Variants in EYA2 observed in about 807,000 individuals in gnomAD.
EYA2 encodes the protein protein phosphatase EYA2.
Under a neutral mutation model 69.2 loss-of-function variants are expected in EYA2, and 31 were observed. The observed-to-expected ratio is 0.45, with a 90% CI of 0.34 to 0.60. The LOEUF (loss-of-function observed/expected upper bound fraction) is 0.60. Ranked by LOEUF, EYA2 falls within the 20% of genes least tolerant of loss-of-function variation. The pLI is 0.02. For synonymous variants in EYA2, 257 were observed against 279.4 expected, an observed-to-expected ratio of 0.92 and a Z score of 0.80; for missense variants, 622 against 701.2, an observed-to-expected ratio of 0.89 and a Z score of 1.28.
At chr20:47,152,384 C>T (rs2033839780) in intron 10 of EYA2, among the ~76,000 whole-genome samples, 1 of 142,092 alleles carries the variant, frequency 7.0e-6, no homozygotes, top group Non-Finnish European at 1.5e-5. Context: ...GGGAGTGTAC[C>T]TTTTTTTTTT....
chr20:47,065,264 A>G (rs1253416567), intron 5 of EYA2, among the ~76,000 whole-genome samples: 2 of 152,218 alleles, frequency 1.3e-5, no homozygotes, highest in Non-Finnish European at 2.9e-5. Context: ...TCCAGGCACC[A>G]TATTACCCAG....
At chr20:47,170,497 A>C (rs374683169) in intron 11 of EYA2, among the ~76,000 whole-genome samples, 13 of 151,866 alleles carry the variant, frequency 8.6e-5, no homozygotes, top group African/African-American at 2.9e-4. Context: ...AAATACAAAA[A>C]TTAGCCGGGC....
chr20:46,971,948 C>A (rs1980171583), intron 1 of EYA2, among the ~76,000 whole-genome samples: 1 of 152,048 alleles, frequency 6.6e-6, no homozygotes. Flanking sequence ...CAGACAAAGC[C>A]CCCAGCCTCT....
intron 3 of EYA2, among the ~76,000 whole-genome samples, chr20:47,001,993 G>T (rs752901868): frequency 6.7e-6 from 1 of 150,056 alleles, no homozygotes; most frequent in African/African-American, 2.5e-5. Context: ...GTGCAGTGGC[G>T]TGATCTCAGC....
In EYA2 at chr20:46,944,779, C is replaced by T. The variant is rs1041507437; in HGVS notation, c.-10-45222C>T. Reference sequence around the variant, plus strand: ...AAGAGTGTAAAAGGTGAAGATGCTACATTTATTTTTTCCTGGCAATTCATT... The same window carrying T: ...AAGAGTGTAAAAGGTGAAGATGCTATATTTATTTTTTCCTGGCAATTCATT... On this transcript the variant is annotated intron_variant, in intron 1 of 15. Transcript: ENST00000327619. 3.9e-5 allele frequency among the ~76,000 whole-genome samples: 6 copies of T among 152,142 alleles called. No individual in the cohort carries two copies. In the South Asian group the frequency reaches 1.0e-3, roughly 26 times the overall value.
chr20:47,097,601 C>T (rs1380183305), intron 9 of EYA2, among the ~76,000 whole-genome samples: 1 of 152,164 alleles, frequency 6.6e-6, no homozygotes, highest in Non-Finnish European at 1.5e-5. Context: ...AAGGGGGAGG[C>T]ATTGTCAGCT....
At chr20:46,914,809 A>C (rs1347515369) in intron 1 of EYA2, among the ~76,000 whole-genome samples, 2 of 152,186 alleles carry the variant, frequency 1.3e-5, no homozygotes, top group Admixed American at 1.3e-4. Context: ...TAATGGGCTG[A>C]GGCACTTAGC....
intron 1 of EYA2, among the ~76,000 whole-genome samples, chr20:46,908,877 T>TC: frequency 2.1e-5 from 1 of 47,874 alleles, no homozygotes; most frequent in Non-Finnish European, 4.8e-5. Context: ...GCACTTTTTT[T>TC]TTTTTTTTTT....
At chr20:47,010,628 C>CA (rs11086189) in intron 4 of EYA2, among the ~76,000 whole-genome samples, 125,956 of 146,672 alleles carry the variant, frequency 0.86, 54,146 homozygotes, top group Non-Finnish European at 0.9. Context: ...AATCCTGTCT[C>CA]AAAAAAAAAA....
intron 1 of EYA2, among the ~76,000 whole-genome samples, chr20:46,944,139 G>A (rs1161670653): frequency 6.6e-6 from 1 of 152,174 alleles, no homozygotes; most frequent in East Asian, 1.9e-4. Context: ...GAATGGCCAG[G>A]ACAGAGGGAG....
intron 1 of EYA2, among the ~76,000 whole-genome samples, chr20:46,903,410 C>T (rs1194409147): frequency 2.0e-5 from 3 of 152,216 alleles, no homozygotes; most frequent in Non-Finnish European, 2.9e-5. Flanking sequence ...CCCAGGCTTA[C>T]TCGGCCGACA....
intron 4 of EYA2, among the ~76,000 whole-genome samples, chr20:47,011,881 G>C (rs1266493347): frequency 6.6e-6 from 1 of 152,160 alleles, no homozygotes; most frequent in Non-Finnish European, 1.5e-5. Context: ...TTAGTGTGAG[G>C]TTCATAAGAT....
chr20:46,941,973 T>C (rs1469168441), intron 1 of EYA2, among the ~76,000 whole-genome samples: 1 of 152,006 alleles, frequency 6.6e-6, no homozygotes, highest in African/African-American at 2.4e-5. Flanking sequence ...GCCCAGCTGG[T>C]CTCAAACTCC....
chr20:47,124,502 G>A (rs1297254713), intron 9 of EYA2, among the ~76,000 whole-genome samples: 1 of 152,156 alleles, frequency 6.6e-6, no homozygotes, highest in Non-Finnish European at 1.5e-5. Context: ...GTGTTGATGG[G>A]GATGTTGTCA....
chr20:46,983,701 A>G (rs532409977), intron 1 of EYA2, among the ~76,000 whole-genome samples: 2 of 152,228 alleles, frequency 1.3e-5, no homozygotes, highest in East Asian at 3.9e-4. Context: ...TATTTCTACA[A>G]TCTTTGCTCC....
intron 1 of EYA2, among the ~76,000 whole-genome samples, chr20:46,967,352 T>A (rs1979854128): frequency 6.6e-6 from 1 of 152,246 alleles, no homozygotes; most frequent in African/African-American, 2.4e-5. Context: ...GGCTCATGGC[T>A]ACTGATTAGA....
At chr20:47,005,896 C>G (rs1982681340) in intron 4 of EYA2, among the ~76,000 whole-genome samples, 1 of 152,198 alleles carries the variant, frequency 6.6e-6, no homozygotes, top group South Asian at 2.1e-4. Flanking sequence ...ATATCTTAAC[C>G]AAAGCCCTTT....
chr20:47,078,166 A>G (rs940123664), intron 7 of EYA2, among the ~76,000 whole-genome samples: 4 of 152,184 alleles, frequency 2.6e-5, no homozygotes, highest in Non-Finnish European at 5.9e-5. Context: ...GTTCAACAGT[A>G]AGTGGTTGAG....
chr20:46,957,755 G>A (rs530338894), intron 1 of EYA2, among the ~76,000 whole-genome samples: 1 of 152,282 alleles, frequency 6.6e-6, no homozygotes, highest in East Asian at 1.9e-4. Context: ...GCAATACTGA[G>A]TTTGGACTTC....
Sources: allele counts gnomAD v4.1 joint callset (sites outside exome capture counted in the v4.1 genomes callset), GRCh38; gene constraint gnomAD v4.1.1; transcripts MANE v1.5; gene names NCBI Gene and HGNC (gene_info 2026-07-23, HGNC 2026-07-21).